The following GRIP1 variants were observed in gnomAD, a reference collection of about 807,000 sequenced individuals.
GRIP1 encodes glutamate receptor interacting protein 1, also known as glutamate receptor-interacting protein 1.
In GRIP1, 45 loss-of-function variants were observed where a neutral mutation model predicts 129.9. The ratio of observed to expected loss-of-function variants is 0.35; its 90% CI spans 0.27 to 0.44. The LOEUF (loss-of-function observed/expected upper bound fraction) is 0.44, where lower values mean the gene tolerates loss of function less well. Among genes scored for constraint, GRIP1 ranks in the 20% least tolerant of loss-of-function variants. The pLI is 1.00. For missense variants in GRIP1, 1,196 were observed against 1,396.8 expected (o/e 0.86, Z 2.29); for synonymous variants, 530 against 520.8 (o/e 1.02, Z -0.24).
chr12:66,738,968 T>C (rs183437685), intron 1 of GRIP1, among the ~76,000 whole-genome samples: 4 of 152,302 alleles, frequency 2.6e-5, no homozygotes, highest in Non-Finnish European at 2.9e-5. Flanking sequence ...GTTCAGAGGT[T>C]CCCCAGGAAC....
chr12:66,443,138 G>C (rs1229522493), intron 13 of GRIP1, among the ~76,000 whole-genome samples: 3 of 152,166 alleles, frequency 2.0e-5, no homozygotes, highest in Non-Finnish European at 4.4e-5. Flanking sequence ...CCACACACCT[G>C]TTAGCTACTG....
intron 15 of GRIP1, among the ~76,000 whole-genome samples, chr12:66,418,326 T>A (rs1355337364): frequency 6.6e-6 from 1 of 152,136 alleles, no homozygotes; most frequent in Non-Finnish European, 1.5e-5. Context: ...GACTTCAAAC[T>A]ATGACACTAC....
chr12:66,628,318 G>C (rs186512154), intron 1 of GRIP1, among the ~76,000 whole-genome samples: 4 of 152,260 alleles, frequency 2.6e-5, no homozygotes, highest in Non-Finnish European at 5.9e-5. Context: ...AAAATTCCTT[G>C]AGTTCCCCTG....
At chr12:67,068,570 G>A (rs1298032722) in intron 1 of GRIP1, among the ~76,000 whole-genome samples, 1 of 151,994 alleles carries the variant, frequency 6.6e-6, no homozygotes, top group Non-Finnish European at 1.5e-5. Flanking sequence ...GCAACTTTGG[G>A]TTGGCAATGC....
chr12:66,414,686 C>T (rs1237598079), intron 15 of GRIP1, among the ~76,000 whole-genome samples: 2 of 152,024 alleles, frequency 1.3e-5, no homozygotes, highest in African/African-American at 4.8e-5. Context: ...TGCTACCCAA[C>T]TTCAAACTAT....
At chr12:66,866,465 G>A (rs998118357) in intron 1 of GRIP1, among the ~76,000 whole-genome samples, 1 of 152,088 alleles carries the variant, frequency 6.6e-6, no homozygotes, top group Non-Finnish European at 1.5e-5. Context: ...AGGGTCAATT[G>A]TCAGGTCAAC....
At chr12:66,946,918 C>T (rs944430489) in intron 1 of GRIP1, among the ~76,000 whole-genome samples, 2 of 151,744 alleles carry the variant, frequency 1.3e-5, no homozygotes, top group African/African-American at 4.8e-5. Flanking sequence ...GTGGTTGGCA[C>T]CTGTAATCCC....
intron 1 of GRIP1, among the ~76,000 whole-genome samples, chr12:66,625,740 G>C (rs1232135941): frequency 6.6e-6 from 1 of 152,174 alleles, no homozygotes; most frequent in African/African-American, 2.4e-5. Flanking sequence ...ATAATTTTAA[G>C]ATAGTCTAGC....
intron 1 of GRIP1, among the ~76,000 whole-genome samples, chr12:66,740,231 TCTGGC>T (rs1253795085): frequency 6.6e-6 from 1 of 152,194 alleles, no homozygotes; most frequent in Non-Finnish European, 1.5e-5. Flanking sequence ...TTTCATTCTG[TCTGGC>T]CTTCCTAGCC....
intron 2 of GRIP1, among the ~76,000 whole-genome samples, chr12:66,586,428 C>G (rs1052479463): frequency 1.3e-5 from 2 of 152,170 alleles, no homozygotes; most frequent in Non-Finnish European, 2.9e-5. Context: ...CTGCCAACCT[C>G]TGAGGCTTAG....
At chr12:66,968,123 TTC>T (rs2042022694) in intron 1 of GRIP1, among the ~76,000 whole-genome samples, 1 of 152,284 alleles carries the variant, frequency 6.6e-6, no homozygotes, top group African/African-American at 2.4e-5. Context: ...TGTATTCTGA[TTC>T]TCTGTTGTTT....
intron 7 of GRIP1, among the ~76,000 whole-genome samples, chr12:66,469,347 T>C (rs1193650904): frequency 6.6e-6 from 1 of 152,172 alleles, no homozygotes; most frequent in Admixed American, 6.5e-5. Context: ...TATGAAAATA[T>C]ACAGTAGCTA....
intron 1 of GRIP1, among the ~76,000 whole-genome samples, chr12:66,833,223 C>T (rs150404835): frequency 7.9e-4 from 120 of 152,308 alleles, no homozygotes; most frequent in African/African-American, 2.5e-3. Context: ...CCCCCGGCTA[C>T]GGTTCTAAAG....
At chr12:66,449,650 T>A (rs935291827) in intron 11 of GRIP1, among the ~76,000 whole-genome samples, 1 of 152,104 alleles carries the variant, frequency 6.6e-6, no homozygotes, top group African/African-American at 2.4e-5. Context: ...TGATGTAGAG[T>A]GTACCGTGAT....
chr12:66,635,119 T>A (rs1469628263), intron 1 of GRIP1, among the ~76,000 whole-genome samples: 1 of 152,138 alleles, frequency 6.6e-6, no homozygotes, highest in African/African-American at 2.4e-5. Flanking sequence ...AACATTCTTG[T>A]TTAAAATACA....
At chr12:66,600,062 A>G (rs1282232033) in intron 1 of GRIP1, among the ~76,000 whole-genome samples, 3 of 152,324 alleles carry the variant, frequency 2.0e-5, no homozygotes, top group East Asian at 1.9e-4. Context: ...TTTGAAAAGG[A>G]GCCTGAGCCA....
chr12:66,442,845 A>T (rs1201787881), intron 13 of GRIP1, among the ~76,000 whole-genome samples: 2 of 152,206 alleles, frequency 1.3e-5, no homozygotes. Flanking sequence ...ATATTTGTTA[A>T]TTTTTAAATT....
intron 1 of GRIP1, among the ~76,000 whole-genome samples, chr12:66,671,395 T>G (rs1193834894): frequency 6.6e-6 from 1 of 152,148 alleles, no homozygotes; most frequent in Non-Finnish European, 1.5e-5. Flanking sequence ...CTCTTCTAGT[T>G]TGCATCTTGA....
At chr12:66,969,133 G>A (rs2042037349) in intron 1 of GRIP1, among the ~76,000 whole-genome samples, 4 of 151,954 alleles carry the variant, frequency 2.6e-5, no homozygotes, top group Admixed American at 2.6e-4. Context: ...CAACCCCAGG[G>A]CTTCTTTCAA....
Sources: allele counts gnomAD v4.1 joint callset (sites outside exome capture counted in the v4.1 genomes callset), GRCh38; gene constraint gnomAD v4.1.1; transcripts MANE v1.5; gene names NCBI Gene and HGNC (gene_info 2026-07-23, HGNC 2026-07-21).